The following CTDP1 variants were observed in gnomAD, a reference collection of about 807,000 sequenced individuals.
CTDP1 encodes the protein RNA polymerase II subunit A C-terminal domain phosphatase.
A neutral mutation model predicts 91.8 loss-of-function variants in CTDP1; 47 were observed. The ratio of observed to expected loss-of-function variants is 0.51; its 90% CI spans 0.41 to 0.65. CTDP1 has a LOEUF of 0.65. Ranked by LOEUF, CTDP1 falls within the 30% of genes least tolerant of loss-of-function variation. CTDP1 has a pLI of 0.00. For missense variants in CTDP1, 1,272 were observed against 1,373.7 expected (o/e 0.93, Z 1.17); for synonymous variants, 656 against 598.5 (o/e 1.10, Z -1.40).
At chr18:79,697,807 C>T (rs776116791) in intron 3 of CTDP1, 53 bp from the exon 4 acceptor site, 18 of 1,612,246 alleles carry the variant, frequency 1.1e-5, no homozygotes, top group South Asian at 2.2e-5. Context: ...TGGAGTTTTA[C>T]CTTGGATGCA....
intron 10 of CTDP1, among the ~76,000 whole-genome samples, chr18:79,723,226 C>A (rs944940889): frequency 6.6e-6 from 1 of 151,922 alleles, no homozygotes; most frequent in African/African-American, 2.4e-5. Flanking sequence ...CCTCATCTGT[C>A]ACGGGCATTG....
At position 79,680,414 on chromosome 18, in the gene CTDP1, T is replaced by C. The variant is rs568253010; in HGVS notation, c.314+153T>C. On this transcript the variant is annotated intron_variant, in intron 1 of 12. Transcript: ENST00000613122. ...AGGCACTGCGCTTCTCCCCTAAAAC[T>C]GGATAGTCACCACCTGTGGTTTTAC... Among the ~76,000 whole-genome samples the C allele has an allele frequency of 4.6e-5, 7 of 152,280 alleles. No individual in the cohort carries two copies. The South Asian group carries it at 1.4e-3, about 32-fold the overall frequency.
chr18:79,746,877 G>A (rs915011923), intron 12 of CTDP1, among the ~76,000 whole-genome samples: 6 of 152,108 alleles, frequency 3.9e-5, no homozygotes, highest in African/African-American at 9.7e-5. Flanking sequence ...CGATCCTCCC[G>A]CCTCAGCCTC....
chr18:79,744,669 A>G (rs769443880), intron 12 of CTDP1, among the ~76,000 whole-genome samples: 9 of 152,244 alleles, frequency 5.9e-5, no homozygotes, highest in African/African-American at 7.2e-5. Context: ...AGCTGGATCC[A>G]TCGGGAAGAG....
chr18:79,687,479 A>G (rs2085526967), intron 1 of CTDP1, among the ~76,000 whole-genome samples: 2 of 133,676 alleles, frequency 1.5e-5, no homozygotes, highest in Non-Finnish European at 3.2e-5. Flanking sequence ...CCTGCACCGC[A>G]GCAGTTGGCT....
At chr18:79,683,984 T>C (rs1054906055) in intron 1 of CTDP1, among the ~76,000 whole-genome samples, 11 of 152,264 alleles carry the variant, frequency 7.2e-5, no homozygotes, top group African/African-American at 1.2e-4. Flanking sequence ...AAAATACTTA[T>C]TTTTCAGGAA....
At chr18:79,706,541 T>C (rs988210011) in intron 5 of CTDP1, among the ~76,000 whole-genome samples, 3 of 152,024 alleles carry the variant, frequency 2.0e-5, no homozygotes, top group African/African-American at 4.8e-5. Context: ...TATCCATGGC[T>C]GTCCCCTATT....
chr18:79,738,137 T>C (rs950983391), intron 12 of CTDP1, among the ~76,000 whole-genome samples: 5 of 151,986 alleles, frequency 3.3e-5, no homozygotes, highest in Non-Finnish European at 7.4e-5. Flanking sequence ...TGAGAAAGCG[T>C]CTGTCCTGTC....
chr18:79,711,890 T>TCCG (rs887411477), intron 6 of CTDP1, among the ~76,000 whole-genome samples: 1 of 126,452 alleles, frequency 7.9e-6, no homozygotes, highest in Non-Finnish European at 1.7e-5. Flanking sequence ...CACCCGGAAG[T>TCCG]CCGTCCTTGC....
At chr18:79,693,438 G>C (rs1302675170) in intron 1 of CTDP1, among the ~76,000 whole-genome samples, 1 of 152,036 alleles carries the variant, frequency 6.6e-6, no homozygotes, top group Admixed American at 6.5e-5. Flanking sequence ...TTGTTGTCTG[G>C]TTTAAGAAAA....
chr18:79,744,571 TC>T (rs1435927186), intron 12 of CTDP1, among the ~76,000 whole-genome samples: 1 of 152,130 alleles, frequency 6.6e-6, no homozygotes, highest in Non-Finnish European at 1.5e-5. Context: ...TCCGCTAATA[TC>T]AGAGAAGACT....
chr18:79,750,858 A>T (rs536575416), intron 12 of CTDP1, among the ~76,000 whole-genome samples: 25 of 151,368 alleles, frequency 1.7e-4, no homozygotes, highest in African/African-American at 6.1e-4. Context: ...TTAAGAAAGG[A>T]TCTCATGGAT....
chr18:79,720,159 TGATGTCACCTGTTGTGTCCTGGTGAC>T (rs2086308598), intron 10 of CTDP1, among the ~76,000 whole-genome samples: 1 of 149,988 alleles, frequency 6.7e-6, no homozygotes, highest in Admixed American at 6.6e-5. Context: ...GTCCTGGTGA[TGATGTCACCTGTTGTGTCCTGGTGAC>T]GATGTCATCT....
At chr18:79,696,170 T>G (rs888352498) in intron 3 of CTDP1, 100 bp downstream of exon 3, 26 of 1,032,114 alleles carry the variant, frequency 2.5e-5, no homozygotes, top group Non-Finnish European at 3.7e-5. Flanking sequence ...CGTGTGGTTG[T>G]CATCGTCGTT....
At chr18:79,705,991 T>C (rs1011135829) in intron 5 of CTDP1, among the ~76,000 whole-genome samples, 1 of 152,126 alleles carries the variant, frequency 6.6e-6, no homozygotes, top group Non-Finnish European at 1.5e-5. Context: ...AGTGAAGAAA[T>C]AATGCCTGCT....
At chr18:79,709,383 T>C (rs2086034531) in intron 5 of CTDP1, among the ~76,000 whole-genome samples, 2 of 152,220 alleles carry the variant, frequency 1.3e-5, no homozygotes, top group Non-Finnish European at 2.9e-5. Flanking sequence ...GATAAATTTA[T>C]AGATCAAGAA....
chr18:79,746,381 G>T (rs542936321), intron 12 of CTDP1, among the ~76,000 whole-genome samples: 1 of 113,434 alleles, frequency 8.8e-6, no homozygotes, highest in African/African-American at 3.4e-5. Flanking sequence ...CGTTCTGTCC[G>T]TGCGTCCCTC....
chr18:79,727,645 G>A (rs1881344834), intron 10 of CTDP1, among the ~76,000 whole-genome samples: 1 of 152,210 alleles, frequency 6.6e-6, no homozygotes, highest in Non-Finnish European at 1.5e-5. Context: ...CTCTCCATTA[G>A]TAAATAGCCT....
intron 1 of CTDP1, among the ~76,000 whole-genome samples, chr18:79,690,604 G>T (rs554047941): frequency 3.3e-5 from 5 of 152,330 alleles, no homozygotes; most frequent in Non-Finnish European, 7.3e-5. Flanking sequence ...CTGCAAAGAC[G>T]AAGTGTAGAA....
Sources: gnomAD v4.1 joint callset for allele counts (sites outside exome capture counted in the v4.1 genomes callset) on GRCh38, gnomAD v4.1.1 for gene constraint, MANE v1.5 for transcripts, NCBI Gene and HGNC (gene_info 2026-07-23, HGNC 2026-07-21) for gene names.